The following FHOD3 variants were observed in gnomAD, a reference collection of about 807,000 sequenced individuals.
FHOD3 encodes the protein formin homology 2 domain containing 3, also known as FH1/FH2 domain-containing protein 3.
FHOD3 carries 90 observed loss-of-function variants against 173.0 expected under a neutral mutation model. The observed-to-expected ratio is 0.52, with a 90% CI of 0.44 to 0.62. The LOEUF (loss-of-function observed/expected upper bound fraction) is 0.62. Ranked by LOEUF, FHOD3 falls within the 20% of genes least tolerant of loss-of-function variation. FHOD3 has a pLI of 0.00. For synonymous variants in FHOD3, 828 were observed against 823.0 expected (o/e 1.01, Z -0.10); for missense variants, 1,945 against 2,034.7 (o/e 0.96, Z 0.85).
chr18:36,521,457 T>A (rs2056268914), intron 5 of FHOD3, among the ~76,000 whole-genome samples: 1 of 152,162 alleles, frequency 6.6e-6, no homozygotes, highest in African/African-American at 2.4e-5. Context: ...GCGTAATCAT[T>A]CATCACATTC....
rs929513384 is a variant in FHOD3, at chr18:36,740,975, C to T, written c.3759+137C>T. 3 of 794,758 alleles carry T rather than the reference C, an allele frequency of 3.8e-6. No homozygotes were observed. The African/African-American group carries it at 5.3e-5, about 14-fold the overall frequency. 49.2% of individuals were successfully genotyped at this position (794,758 alleles called of 1,614,324 possible). A position where few individuals can be genotyped will look rare whatever the true frequency, so the allele number is the denominator to read the frequency against. ...GAGGGTGAATTGACAATGAGGAGGT[C>T]GTGTGTACACCAAGTGATCAGCAGC... On this transcript the variant is annotated intron_variant, in intron 21 of 28. Transcript: ENST00000590592.
At position 36,502,357 on chromosome 18, in the gene FHOD3, T is replaced by C. The variant is rs535814839; in HGVS notation, c.405+358T>C. Among the ~76,000 whole-genome samples the C allele has an allele frequency of 1.4e-4, 21 of 152,188 alleles. No individual in the cohort carries two copies. The East Asian group carries it at 4.1e-3, about 29-fold the overall frequency. ...GTGGTTTGCTGCACCCATCAACCCA[T>C]CATCTACATTAGGTATTTCTCCTAA... On this transcript the variant is annotated intron_variant, in intron 4 of 28. Transcript: ENST00000590592.
chr18:36,332,075 T>C (rs1375091848), intron 1 of FHOD3, among the ~76,000 whole-genome samples: 2 of 152,178 alleles, frequency 1.3e-5, no homozygotes, highest in Non-Finnish European at 2.9e-5. Flanking sequence ...CCTCCTGCAG[T>C]GTTCCCTTCA....
At chr18:36,753,134 A>G (rs1302815721) in intron 24 of FHOD3, among the ~76,000 whole-genome samples, 1 of 152,194 alleles carries the variant, frequency 6.6e-6, no homozygotes, top group African/African-American at 2.4e-5. Context: ...TAGGGAAAAC[A>G]TTCTACACAT....
intron 7 of FHOD3, among the ~76,000 whole-genome samples, chr18:36,600,796 T>G (rs963273836): frequency 6.6e-5 from 10 of 152,188 alleles, no homozygotes; most frequent in African/African-American, 2.4e-4. Flanking sequence ...CATCTTTGGC[T>G]CCAGAGTAAG....
chr18:36,423,653 T>C (rs190910853), intron 3 of FHOD3, among the ~76,000 whole-genome samples: 2 of 152,302 alleles, frequency 1.3e-5, no homozygotes, highest in African/African-American at 4.8e-5. Flanking sequence ...CGAAGCACCA[T>C]GTGTCAACAG....
intron 3 of FHOD3, among the ~76,000 whole-genome samples, chr18:36,441,412 CG>C: frequency 6.6e-6 from 1 of 152,268 alleles, no homozygotes; most frequent in South Asian, 2.1e-4. Flanking sequence ...CAGAGTTGTA[CG>C]GGAACATAGA....
intron 1 of FHOD3, among the ~76,000 whole-genome samples, chr18:36,320,640 A>G (rs1598700641): frequency 2.0e-5 from 3 of 152,388 alleles, no homozygotes; most frequent in African/African-American, 7.2e-5. Context: ...TTATGAGGCC[A>G]GCATCATCCT....
chr18:36,502,233 A>G (rs888346391), intron 4 of FHOD3, among the ~76,000 whole-genome samples: 1 of 142,254 alleles, frequency 7.0e-6, no homozygotes, highest in African/African-American at 2.6e-5. Flanking sequence ...TTCCATATTT[A>G]CTTCTAGTTT....
chr18:36,697,826 T>C (rs2039373212), intron 17 of FHOD3, among the ~76,000 whole-genome samples: 3 of 152,272 alleles, frequency 2.0e-5, no homozygotes, highest in Admixed American at 2.0e-4. Context: ...TTAGTTTGTC[T>C]AAATGATTTT....
intron 7 of FHOD3, among the ~76,000 whole-genome samples, chr18:36,598,409 C>T (rs77505810): frequency 0.019 from 2,853 of 152,250 alleles, 44 homozygotes; most frequent in Non-Finnish European, 0.026. Context: ...GCATGCTGCA[C>T]GTGGGCTAAC....
At chr18:36,516,089 G>A (rs1300366402) in intron 5 of FHOD3, among the ~76,000 whole-genome samples, 1 of 152,174 alleles carries the variant, frequency 6.6e-6, no homozygotes, top group African/African-American at 2.4e-5. Flanking sequence ...TCACTCCTTT[G>A]TGACTTTGAA....
intron 10 of FHOD3, among the ~76,000 whole-genome samples, chr18:36,630,212 A>C (rs999216380): frequency 1.3e-5 from 2 of 152,192 alleles, no homozygotes; most frequent in African/African-American, 4.8e-5. Context: ...AGAGAATATA[A>C]TCAGCTAAAA....
intron 19 of FHOD3, among the ~76,000 whole-genome samples, chr18:36,720,532 C>T (rs1199744236): frequency 6.6e-6 from 1 of 152,082 alleles, no homozygotes; most frequent in African/African-American, 2.4e-5. Flanking sequence ...GCCACTGCGC[C>T]TGGCCTCCCC....
At chr18:36,580,798 G>A (rs2058823215) in intron 6 of FHOD3, among the ~76,000 whole-genome samples, 1 of 152,194 alleles carries the variant, frequency 6.6e-6, no homozygotes, top group African/African-American at 2.4e-5. Flanking sequence ...CAGCTGCAAT[G>A]GGTTTTCCCC....
At chr18:36,615,218 A>G (rs2033089194) in intron 9 of FHOD3, among the ~76,000 whole-genome samples, 1 of 152,194 alleles carries the variant, frequency 6.6e-6, no homozygotes, top group Non-Finnish European at 1.5e-5. Context: ...TATCAGATAT[A>G]TAATTTGAAA....
intron 17 of FHOD3, among the ~76,000 whole-genome samples, chr18:36,706,500 C>A (rs747483370): frequency 6.6e-6 from 1 of 152,236 alleles, no homozygotes; most frequent in African/African-American, 2.4e-5. Flanking sequence ...ACTCCTCCCC[C>A]ACAAGAGTGT....
At chr18:36,462,152 A>T (rs1294055147) in intron 3 of FHOD3, among the ~76,000 whole-genome samples, 1 of 152,174 alleles carries the variant, frequency 6.6e-6, no homozygotes, top group African/African-American at 2.4e-5. Context: ...ACCATGGCTC[A>T]TGGTGAGGGT....
intron 2 of FHOD3, 27 bp downstream of exon 2, chr18:36,355,672 C>A (rs748548181): frequency 1.3e-6 from 2 of 1,587,446 alleles, no homozygotes; most frequent in South Asian, 2.2e-5. Context: ...ACCCTGCTGA[C>A]TGGTCCCCAC....
Sources: gnomAD v4.1 joint callset for allele counts (sites outside exome capture counted in the v4.1 genomes callset) on GRCh38, gnomAD v4.1.1 for gene constraint, MANE v1.5 for transcripts, NCBI Gene and HGNC (gene_info 2026-07-23, HGNC 2026-07-21) for gene names.